Variants in TMEM132D observed in about 807,000 individuals in gnomAD.
TMEM132D encodes the protein transmembrane protein 132D.
Under a neutral mutation model 62.3 loss-of-function variants are expected in TMEM132D, and 21 were observed. The observed-to-expected ratio is 0.34, with a 90% CI of 0.24 to 0.49. The LOEUF is 0.49. Ranked by LOEUF, TMEM132D falls within the 20% of genes least tolerant of loss-of-function variation. The pLI is 0.99. For missense variants in TMEM132D, 1,346 were observed against 1,402.8 expected, an observed-to-expected ratio of 0.96 and a Z score of 0.65; for synonymous variants, 621 against 575.6, an observed-to-expected ratio of 1.08 and a Z score of -1.13.
chr12:129,447,366 G>A (rs547003490), intron 3 of TMEM132D, among the ~76,000 whole-genome samples: 1 of 152,294 alleles, frequency 6.6e-6, no homozygotes, highest in East Asian at 1.9e-4. Flanking sequence ...TTGAAAGGAA[G>A]CATTATTACA....
intron 3 of TMEM132D, among the ~76,000 whole-genome samples, chr12:129,342,569 AC>A (rs1327128375): frequency 1.3e-5 from 2 of 152,226 alleles, no homozygotes; most frequent in Non-Finnish European, 2.9e-5. Flanking sequence ...GCCAAAATTG[AC>A]AAATGGGATC....
chr12:129,747,758 GAC>G (rs572442180), intron 1 of TMEM132D, among the ~76,000 whole-genome samples: 36 of 145,598 alleles, frequency 2.5e-4, no homozygotes, highest in African/African-American at 4.1e-4. Flanking sequence ...CACACATCCA[GAC>G]ACACACACAC....
rs572710744 is a variant in TMEM132D at position 129,180,099 on chromosome 12, C to T, written c.1443+29421G>A. ...TGCTGTCATAAATGGCAGAATCTGG[C>T]CTGCTGGACACCTGCCACATGCTGG... On this transcript the variant is annotated intron_variant, in intron 5 of 8. Coordinates refer to ENST00000422113, the MANE Select transcript of TMEM132D (RefSeq NM_133448.3). Among the ~76,000 whole-genome samples, 10 of 152,144 alleles carry T rather than the reference C, an allele frequency of 6.6e-5. No individual in the cohort carries two copies. The South Asian group carries it at 2.1e-3, about 32-fold the overall frequency.
chr12:129,744,173 A>G (rs1869700374), intron 1 of TMEM132D, among the ~76,000 whole-genome samples: 1 of 152,218 alleles, frequency 6.6e-6, no homozygotes, highest in Non-Finnish European at 1.5e-5. Flanking sequence ...TTTAATGGCT[A>G]TTATCCTTAA....
intron 1 of TMEM132D, among the ~76,000 whole-genome samples, chr12:129,751,975 T>C (rs1434322127): frequency 6.6e-6 from 1 of 152,190 alleles, no homozygotes; most frequent in Non-Finnish European, 1.5e-5. Context: ...ACAACATTAA[T>C]CTTGTATAAT....
At chr12:129,126,976 A>T (rs1046442029) in intron 5 of TMEM132D, among the ~76,000 whole-genome samples, 2 of 152,230 alleles carry the variant, frequency 1.3e-5, no homozygotes, top group African/African-American at 4.8e-5. Flanking sequence ...GTTGGGGACA[A>T]TCAGCTGAGA....
At chr12:129,285,816 T>G (rs1254566936) in intron 4 of TMEM132D, among the ~76,000 whole-genome samples, 1 of 152,106 alleles carries the variant, frequency 6.6e-6, no homozygotes, top group Non-Finnish European at 1.5e-5. Context: ...ACATCACTCT[T>G]CTCACCCCAG....
At chr12:129,866,839 C>T (rs1190642242) in intron 1 of TMEM132D, among the ~76,000 whole-genome samples, 3 of 152,176 alleles carry the variant, frequency 2.0e-5, no homozygotes, top group Admixed American at 6.5e-5. Context: ...AACTTCTGCT[C>T]ATCATGCAGG....
chr12:129,563,220 T>G (rs1167506422), intron 2 of TMEM132D, among the ~76,000 whole-genome samples: 1 of 152,224 alleles, frequency 6.6e-6, no homozygotes, highest in Non-Finnish European at 1.5e-5. Context: ...CAAAGTAATG[T>G]TTAAACATAT....
chr12:129,334,151 T>A (rs79629896), intron 4 of TMEM132D, among the ~76,000 whole-genome samples: 2,640 of 152,046 alleles, frequency 0.017, 72 homozygotes, highest in African/African-American at 0.06. Context: ...ATGAAAAAAA[T>A]TTTTAAATAA....
intron 1 of TMEM132D, among the ~76,000 whole-genome samples, chr12:129,801,946 A>AGATGAAATG (rs1265551106): frequency 2.6e-5 from 4 of 151,608 alleles, no homozygotes; most frequent in African/African-American, 7.3e-5. Context: ...CAGCGATGGA[A>AGATGAAATG]GATGAAATGA....
intron 3 of TMEM132D, among the ~76,000 whole-genome samples, chr12:129,355,023 G>A (rs752947914): frequency 3.3e-5 from 5 of 152,160 alleles, no homozygotes; most frequent in Admixed American, 2.6e-4. Context: ...AAGCAAAGCT[G>A]GTACATTTTT....
chr12:129,582,260 T>C (rs1181472771), intron 2 of TMEM132D, among the ~76,000 whole-genome samples: 1 of 152,260 alleles, frequency 6.6e-6, no homozygotes, highest in Non-Finnish European at 1.5e-5. Context: ...GTAGATGCTG[T>C]ACTTCTCTCA....
chr12:129,836,696 T>G (rs913891242), intron 1 of TMEM132D, among the ~76,000 whole-genome samples: 2 of 151,974 alleles, frequency 1.3e-5, no homozygotes, highest in African/African-American at 4.8e-5. Flanking sequence ...CTCCCATGAA[T>G]CATTAAATCA....
intron 5 of TMEM132D, among the ~76,000 whole-genome samples, chr12:129,136,435 C>G (rs941641678): frequency 1.3e-5 from 2 of 152,130 alleles, no homozygotes; most frequent in African/African-American, 4.8e-5. Context: ...GTAGAATGTT[C>G]CTCAGTTTGG....
chr12:129,271,694 G>A (rs1880857283), intron 4 of TMEM132D, among the ~76,000 whole-genome samples: 1 of 151,790 alleles, frequency 6.6e-6, no homozygotes, highest in African/African-American at 2.4e-5. Flanking sequence ...GTTTGCTGAG[G>A]ATGATGGCTT....
intron 1 of TMEM132D, among the ~76,000 whole-genome samples, chr12:129,881,314 C>G (rs1351347361): frequency 6.6e-6 from 1 of 151,846 alleles, no homozygotes; most frequent in African/African-American, 2.4e-5. Context: ...AAAGAAAATT[C>G]ATAAGAATAT....
At chr12:129,121,551 A>G (rs1479319256) in intron 5 of TMEM132D, among the ~76,000 whole-genome samples, 1 of 152,168 alleles carries the variant, frequency 6.6e-6, no homozygotes, top group Non-Finnish European at 1.5e-5. Context: ...GAAGGACTCA[A>G]CCCACTGTTG....
chr12:129,679,472 T>C (rs533316058), intron 2 of TMEM132D, among the ~76,000 whole-genome samples: 2 of 152,120 alleles, frequency 1.3e-5, no homozygotes, highest in Middle Eastern at 3.2e-3. Context: ...TTTTTTATTT[T>C]CTTTCTGGGA....
Sources: gnomAD v4.1 joint callset for allele counts (sites outside exome capture counted in the v4.1 genomes callset) on GRCh38, gnomAD v4.1.1 for gene constraint, MANE v1.5 for transcripts, NCBI Gene and HGNC (gene_info 2026-07-23, HGNC 2026-07-21) for gene names.